FAT4: variants seen among roughly 807,000 people sequenced by gnomAD.
FAT4 encodes FAT atypical cadherin 4, also known as protocadherin Fat 4.
FAT4 carries 84 observed loss-of-function variants against 303.9 expected under a neutral mutation model. The observed-to-expected ratio is 0.28, with a 90% CI of 0.23 to 0.33. The LOEUF (loss-of-function observed/expected upper bound fraction) is 0.33. Ranked by LOEUF, FAT4 falls within the 10% of genes least tolerant of loss-of-function variation. The probability of loss-of-function intolerance (pLI) is 1.00; values close to 1 mark genes in which losing one functional copy is unlikely to be tolerated. For missense variants in FAT4, 6,005 were observed against 6,146.8 expected, an observed-to-expected ratio of 0.98 and a Z score of 0.77; for synonymous variants, 2,307 against 2,298.8, an observed-to-expected ratio of 1.00 and a Z score of -0.10.
At chr4:125,488,885 G>C (rs890445617) in intron 17 of FAT4, among the ~76,000 whole-genome samples, 1 of 152,154 alleles carries the variant, frequency 6.6e-6, no homozygotes, top group Non-Finnish European at 1.5e-5. Flanking sequence ...TTGATTAACC[G>C]TAAGAGTTAA....
chr4:125,443,595 A>C (rs770198112), intron 8 of FAT4, among the ~76,000 whole-genome samples: 3 of 152,206 alleles, frequency 2.0e-5, no homozygotes, highest in Non-Finnish European at 2.9e-5. Context: ...AAACTAAACT[A>C]TAAGGATAGT....
chr4:125,329,254 C>G (rs1731277968), intron 2 of FAT4, among the ~76,000 whole-genome samples: 1 of 152,148 alleles, frequency 6.6e-6, no homozygotes, highest in South Asian at 2.1e-4. Flanking sequence ...TCCCATCAGA[C>G]TTGGCCCCTG....
In FAT4 at chr4:125,317,948, A is replaced by G. The variant is rs750439197; in HGVS notation, c.1537A>G (p.Ser513Gly). 3 of 1,614,148 alleles carry G rather than the reference A, an allele frequency of 1.9e-6. No individual in the cohort carries two copies. Among genetic ancestry groups the G allele is most frequent in the South Asian group, 2.2e-5 (2 of 91,072 alleles). Reference sequence around the variant, plus strand: ...TGGTCTCAATGCTAATCTGCGTTACAGCATTGTCTCTGGCAATGGACTGGG... The same window carrying G: ...TGGTCTCAATGCTAATCTGCGTTACGGCATTGTCTCTGGCAATGGACTGGG... Reference protein sequence around the residue: ...DSGLNANLRYSIVSGNGLGWF... With the variant: ...DSGLNANLRYGIVSGNGLGWF... Residue 513 changes from serine (S) to glycine (G), a missense_variant, in exon 2 of 18, where the codon AGC becomes GGC. Coordinates refer to ENST00000394329, the MANE Select transcript of FAT4 (RefSeq NM_001291303.3). The surrounding 1 kb of genome is among the most constrained non-coding windows in gnomAD (Gnocchi z 7.0).
intron 7 of FAT4, 107 bp downstream of exon 7, chr4:125,416,729 T>C (rs919441051): frequency 2.2e-5 from 24 of 1,116,268 alleles, no homozygotes; most frequent in Non-Finnish European, 3.1e-5. Context: ...ATGGATTACT[T>C]GAGGTCGGGA....
intron 3 of FAT4, among the ~76,000 whole-genome samples, chr4:125,406,261 C>A (rs1186280637): frequency 6.6e-6 from 1 of 152,120 alleles, no homozygotes; most frequent in African/African-American, 2.4e-5. Flanking sequence ...ACTATCCTTT[C>A]CCCATTATAT....
chr4:125,457,457 T>C (rs1030193318), intron 10 of FAT4, among the ~76,000 whole-genome samples: 2 of 152,144 alleles, frequency 1.3e-5, no homozygotes, highest in Non-Finnish European at 2.9e-5. Flanking sequence ...AAAACAACTA[T>C]ATTTTTTAAT....
At chr4:125,402,619 AAT>A (rs1734430696) in intron 3 of FAT4, among the ~76,000 whole-genome samples, 1 of 152,030 alleles carries the variant, frequency 6.6e-6, no homozygotes, top group Non-Finnish European at 1.5e-5. Context: ...ACTAACACTA[AAT>A]ATAGCGGGAA....
chr4:125,417,606 G>T (rs551314358), intron 7 of FAT4, among the ~76,000 whole-genome samples: 94 of 152,224 alleles, frequency 6.2e-4, no homozygotes, highest in Middle Eastern at 3.4e-3. Context: ...TGGAGGGTGA[G>T]CAATCAGATT....
intron 2 of FAT4, among the ~76,000 whole-genome samples, chr4:125,358,051 C>A (rs752131964): frequency 6.6e-6 from 1 of 151,832 alleles, no homozygotes; most frequent in African/African-American, 2.4e-5. Flanking sequence ...CCAGCTTGGG[C>A]GGGGGAACTC....
chr4:125,334,354 C>T lies in FAT4; in HGVS notation c.5175+12768C>T, dbSNP rs556289956. Among the ~76,000 whole-genome samples, 12 of 152,228 alleles carry T rather than the reference C, an allele frequency of 7.9e-5. No homozygotes were observed. The East Asian group carries it at 1.9e-3, about 25-fold the overall frequency. ...TCACCTCTTCCCATGCACCTGTCCC[C>T]ATCCCATCCATATTGTTGTCCCTAA... On this transcript the variant is annotated intron_variant, in intron 2 of 17. Coordinates refer to ENST00000394329, the MANE Select transcript of FAT4 (RefSeq NM_001291303.3).
At chr4:125,460,348 C>G (rs1726439976) in intron 10 of FAT4, among the ~76,000 whole-genome samples, 1 of 151,890 alleles carries the variant, frequency 6.6e-6, no homozygotes. Flanking sequence ...AAACTCATGT[C>G]ACAGGGTTCG....
chr4:125,385,498 C>T (rs1221121870), intron 2 of FAT4, among the ~76,000 whole-genome samples: 1 of 151,956 alleles, frequency 6.6e-6, no homozygotes, highest in African/African-American at 2.4e-5. Context: ...TTTATTTTTC[C>T]AGTTTTTTTC....
At chr4:125,381,509 T>A (rs538478511) in intron 2 of FAT4, among the ~76,000 whole-genome samples, 2 of 152,338 alleles carry the variant, frequency 1.3e-5, no homozygotes, top group South Asian at 2.1e-4. Flanking sequence ...ATTACATTTT[T>A]AAAAAACAAT....
chr4:125,456,654 T>A (rs1465780748), intron 10 of FAT4, among the ~76,000 whole-genome samples: 1 of 152,038 alleles, frequency 6.6e-6, no homozygotes, highest in Admixed American at 6.6e-5. Flanking sequence ...AGTTTGTTAA[T>A]TTTTTTTGTA....
In FAT4 at chr4:125,451,629, C is replaced by T. The variant is rs545670590; in HGVS notation, c.10619C>T (p.Pro3540Leu). The T allele has an allele frequency of 1.2e-6, 2 of 1,614,120 alleles. No homozygotes were observed. Among genetic ancestry groups the T allele is most frequent in the African/African-American group, 1.3e-5 (1 of 75,036 alleles). The change falls in exon 10 of 18, where the codon CCT becomes CTT. Residue 3540 changes from proline to leucine, a missense_variant. Coordinates refer to ENST00000394329, the MANE Select transcript of FAT4 (RefSeq NM_001291303.3). ...CTTCAGTCCACTGACCCTGATCTCCCTCCAAATCAAGGTCCCTTTACTTAT... is the reference window on the plus strand; with the variant it reads ...CTTCAGTCCACTGACCCTGATCTCCTTCCAAATCAAGGTCCCTTTACTTAT... Reference protein sequence around the residue: ...MTLQSTDPDLPPNQGPFTYYL... With the variant: ...MTLQSTDPDLLPNQGPFTYYL...
Position 125,452,574 on chromosome 4 carries a change from G to C in FAT4, c.11564G>C (p.Gly3855Ala). Residue 3855 changes from glycine to alanine, a missense_variant, in exon 10 of 18, where the codon GGA becomes GCA. Transcript: ENST00000394329. ...CCTTTCTTATGCAAGTGTCTGCCAGGATATGCGGGTAGCTGGTGTGAAATA... is the reference window on the plus strand; with the variant it reads ...CCTTTCTTATGCAAGTGTCTGCCAGCATATGCGGGTAGCTGGTGTGAAATA... Reference protein sequence around the residue: ...LQPFLCKCLPGYAGSWCEIDI... With the variant: ...LQPFLCKCLPAYAGSWCEIDI... 1 of 1,614,188 alleles carries C rather than the reference G, an allele frequency of 6.2e-7. No homozygotes were observed. The highest frequency in any genetic ancestry group is 8.5e-7 in the Non-Finnish European group (1 of 1,180,040).
At chr4:125,487,258 G>C in intron 16 of FAT4, 87 bp from the exon 17 acceptor site, 1 of 1,282,746 alleles carries the variant, frequency 7.8e-7, no homozygotes, top group Non-Finnish European at 1.1e-6. Context: ...CTGTGGACTG[G>C]TCAAAAATTT....
At chr4:125,488,263 G>T (rs1194351916) in intron 17 of FAT4, among the ~76,000 whole-genome samples, 1 of 152,200 alleles carries the variant, frequency 6.6e-6, no homozygotes, top group Non-Finnish European at 1.5e-5. Context: ...GGCAAATGAT[G>T]AAGTTGGAGA....
chr4:125,451,330 C>G lies in FAT4; in HGVS notation c.10320C>G (p.Ser3440Arg). The G allele has an allele frequency of 6.2e-7, 1 of 1,614,132 alleles. No individual in the cohort carries two copies. The highest frequency in any genetic ancestry group is 8.5e-7 in the Non-Finnish European group (1 of 1,180,012). ...AFDSDSIPSWSRFSYFIGSGN... is the reference protein window; with the variant it reads ...AFDSDSIPSWRRFSYFIGSGN... ...ACTCAGACTCCATCCCCAGCTGGAG[C>G]AGGTTTTCTTACTTCATCGGATCAG... The change falls in exon 10 of 18, where the codon AGC (serine) becomes AGG (arginine). Residue 3440 changes from serine to arginine, a missense_variant. Ser to Arg is a moderately radical substitution (Grantham distance 110, BLOSUM62 -1). Coordinates refer to ENST00000394329, the MANE Select transcript of FAT4 (RefSeq NM_001291303.3).
Sources: gnomAD v4.1 joint callset for allele counts (sites outside exome capture counted in the v4.1 genomes callset) on GRCh38, gnomAD v4.1.1 for gene constraint, Gnocchi (gnomAD v3.1) non-coding constraint, MANE v1.5 for transcripts, NCBI Gene and HGNC (gene_info 2026-07-23, HGNC 2026-07-21) for gene names.